Variants in BIRC6 observed in about 807,000 individuals in gnomAD.
The protein encoded by BIRC6 is dual E2 ubiquitin-conjugating enzyme/E3 ubiquitin-protein ligase BIRC6.
A neutral mutation model predicts 503.3 loss-of-function variants in BIRC6; 98 were observed. The ratio of observed to expected loss-of-function variants is 0.19; its 90% CI spans 0.17 to 0.23. The LOEUF (loss-of-function observed/expected upper bound fraction) is 0.23. Among genes scored for constraint, BIRC6 ranks in the 10% least tolerant of loss-of-function variants. BIRC6 has a pLI of 1.00. For missense variants in BIRC6, 5,360 were observed against 5,806.0 expected, an observed-to-expected ratio of 0.92 and a Z score of 2.50; for synonymous variants, 2,240 against 2,078.7, an observed-to-expected ratio of 1.08 and a Z score of -2.11.
intron 68 of BIRC6, among the ~76,000 whole-genome samples, chr2:32,596,148 A>T (rs2061658602): frequency 6.6e-6 from 1 of 152,120 alleles, no homozygotes. Context: ...GTTCTATATT[A>T]TATATTGTCA....
At chr2:32,518,763 CAA>C (rs2055333880) in intron 56 of BIRC6, 52 bp from the exon 57 acceptor site, 1 of 1,557,662 alleles carries the variant, frequency 6.4e-7, no homozygotes, top group African/African-American at 1.4e-5. Context: ...TATTTTATAA[CAA>C]TATGTATTCC....
In BIRC6 at chr2:32,430,809, T is replaced by C. The variant is rs912570253; in HGVS notation, c.3023-56T>C. On this transcript the variant is annotated intron_variant, in intron 11 of 73. Coordinates refer to ENST00000421745, the MANE Select transcript of BIRC6 (RefSeq NM_016252.4). The stretch of plus-strand genomic sequence containing the variant: ...AAAACTTCACTTCATTGTCTTCTTT[T>C]TTTTTTTTTTTTTTTTTCCACACCT... The C allele has an allele frequency of 1.7e-4, 133 of 800,378 alleles. No individual in the cohort carries two copies. In the East Asian group the frequency reaches 3.9e-3, roughly 24 times the overall value. The allele number at this position is 800,378 out of a possible 1,614,324, so 49.6% of individuals were successfully genotyped here. A position where few individuals can be genotyped will look rare whatever the true frequency, so the allele number is the denominator to read the frequency against.
At chr2:32,488,009 G>A (rs1304602543) in intron 41 of BIRC6, among the ~76,000 whole-genome samples, 5 of 147,700 alleles carry the variant, frequency 3.4e-5, no homozygotes, top group African/African-American at 5.0e-5. Flanking sequence ...TTTAGCTTCA[G>A]TACTTTAATT....
At chr2:32,514,570 G>A (rs1057325072) in intron 54 of BIRC6, among the ~76,000 whole-genome samples, 1 of 152,164 alleles carries the variant, frequency 6.6e-6, no homozygotes, top group Admixed American at 6.5e-5. Context: ...CATAATCCAT[G>A]ACTTAATTAC....
At chr2:32,482,351 G>C in intron 38 of BIRC6, 78 bp from the exon 39 acceptor site, 1 of 1,349,694 alleles carries the variant, frequency 7.4e-7, no homozygotes, top group Non-Finnish European at 1.0e-6. Context: ...AGTTCTGTTT[G>C]GGTTTAGATA....
At chr2:32,420,695 A>C (rs1219072579) in intron 10 of BIRC6, among the ~76,000 whole-genome samples, 1 of 151,940 alleles carries the variant, frequency 6.6e-6, no homozygotes, top group Non-Finnish European at 1.5e-5. Flanking sequence ...TATTTTTAGT[A>C]GAGATGAGGT....
Position 32,515,080 on chromosome 2 carries a change from C to T in BIRC6, c.10659C>T (p.His3553=). 3.1e-6 allele frequency: 5 copies of T among 1,613,926 alleles called. No homozygotes were observed. Among genetic ancestry groups the T allele is most frequent in the Middle Eastern group, 1.6e-4 (1 of 6,062 alleles). ...DSLLCSMCHV[H]PNYFSLLMGW... ...TACTTTGCTCAATGTGTCACGTACACCCAAACTATTTTTCTTTGCTCATGG... is the reference window on the plus strand; with the variant it reads ...TACTTTGCTCAATGTGTCACGTACATCCAAACTATTTTTCTTTGCTCATGG... Residue 3553 remains histidine, a synonymous_variant, in exon 55 of 74, where the codon CAC becomes CAT. Coordinates refer to ENST00000421745, the MANE Select transcript of BIRC6 (RefSeq NM_016252.4).
chr2:32,464,947 TATTAC>T (rs1209329716), intron 25 of BIRC6, 113 bp from the exon 26 acceptor site: 1 of 1,365,634 alleles, frequency 7.3e-7, no homozygotes, highest in Non-Finnish European at 9.9e-7. Context: ...TTTTATAAAA[TATTAC>T]AGTACATACA....
chr2:32,374,252 C>G (rs563031993), intron 1 of BIRC6, among the ~76,000 whole-genome samples: 6 of 152,016 alleles, frequency 3.9e-5, no homozygotes, highest in Non-Finnish European at 8.8e-5. Context: ...AGTCATATCT[C>G]TTGACTCTAT....
chr2:32,469,100 A>G (rs1266834636), intron 29 of BIRC6, among the ~76,000 whole-genome samples: 1 of 152,162 alleles, frequency 6.6e-6, no homozygotes, highest in Non-Finnish European at 1.5e-5. Flanking sequence ...TAGAGCTATC[A>G]TTTTCTAGCC....
At chr2:32,407,537 A>G (rs1450399869) in intron 9 of BIRC6, among the ~76,000 whole-genome samples, 1 of 151,938 alleles carries the variant, frequency 6.6e-6, no homozygotes, top group Non-Finnish European at 1.5e-5. Context: ...AAAAGTGACC[A>G]TTATTAAATT....
At chr2:32,605,385 G>A (rs1215666689) in intron 71 of BIRC6, among the ~76,000 whole-genome samples, 1 of 152,048 alleles carries the variant, frequency 6.6e-6, no homozygotes, top group Non-Finnish European at 1.5e-5. Context: ...AAGGAGATGA[G>A]GTTAAATAAA....
At chr2:32,405,483 G>T (rs6721079) in intron 8 of BIRC6, among the ~76,000 whole-genome samples, 1 of 152,222 alleles carries the variant, frequency 6.6e-6, no homozygotes, top group East Asian at 1.9e-4. Context: ...AGCATTTTCA[G>T]TGCGGAATAC....
intron 23 of BIRC6, among the ~76,000 whole-genome samples, chr2:32,458,108 C>T (rs1418065302): frequency 6.6e-6 from 1 of 151,968 alleles, no homozygotes; most frequent in Non-Finnish European, 1.5e-5. Context: ...GTAATCTTTC[C>T]TTGTCTCTTA....
chr2:32,379,738 C>A (rs1026102696), intron 2 of BIRC6: 1 of 153,872 alleles, frequency 6.5e-6, no homozygotes, highest in African/African-American at 2.4e-5. Flanking sequence ...ATGCAAAGGG[C>A]TTTTTCATAT....
chr2:32,372,913 G>C (rs2036187484), intron 1 of BIRC6, among the ~76,000 whole-genome samples: 1 of 152,176 alleles, frequency 6.6e-6, no homozygotes, highest in South Asian at 2.1e-4. Flanking sequence ...ATAAACTTCT[G>C]AGTATAGATT....
intron 40 of BIRC6, among the ~76,000 whole-genome samples, chr2:32,487,355 C>A (rs1459556476): frequency 6.6e-6 from 1 of 152,006 alleles, no homozygotes; most frequent in African/African-American, 2.4e-5. Context: ...ACTTTCCCTC[C>A]TTTATTAATT....
At chr2:32,438,464 T>C (rs2044993744) in intron 15 of BIRC6, among the ~76,000 whole-genome samples, 1 of 152,220 alleles carries the variant, frequency 6.6e-6, no homozygotes, top group East Asian at 1.9e-4. Context: ...AGTAATTTAA[T>C]GATAATTAAG....
At position 32,545,837 on chromosome 2, in the gene BIRC6, A is replaced by G. The variant is rs527972336; in HGVS notation, c.12787A>G (p.Asn4263Asp). ...ALSHHSPRVP[N>D]SSVNQTEPQV... ...GAGCCACCATTCCCCACGAGTTCCA[A>G]ACTCTAGCGTGAATCAAACTGAGGT... The change falls in exon 63 of 74, where the codon AAC becomes GAC. Residue 4263 changes from asparagine to aspartate, a missense_variant. Asn to Asp is a conservative substitution (Grantham distance 23). Transcript: ENST00000421745. 1 of 1,613,594 alleles carries G rather than the reference A, an allele frequency of 6.2e-7. No individual in the cohort carries two copies.
Sources: gnomAD v4.1 joint callset for allele counts (sites outside exome capture counted in the v4.1 genomes callset) on GRCh38, gnomAD v4.1.1 for gene constraint, MANE v1.5 for transcripts, NCBI Gene and HGNC (gene_info 2026-07-23, HGNC 2026-07-21) for gene names.